SIX5: variants seen among roughly 807,000 people sequenced by gnomAD.
SIX5 encodes the protein homeobox protein SIX5.
In SIX5, 21 loss-of-function variants were observed where a neutral mutation model predicts 37.1. The ratio of observed to expected loss-of-function variants is 0.57; its 90% CI spans 0.40 to 0.81. The LOEUF (loss-of-function observed/expected upper bound fraction) is 0.81, where lower values mean the gene tolerates loss of function less well. Ranked by LOEUF, SIX5 falls within the 40% of genes least tolerant of loss-of-function variation. SIX5 has a pLI of 0.00. For missense variants in SIX5, 1,137 were observed against 1,025.1 expected (o/e 1.11, Z -1.49); for synonymous variants, 626 against 505.9 (o/e 1.24, Z -3.19).
Position 45,766,346 on chromosome 19 carries a change from G to A in SIX5, c.1609+4C>T. ...CTAGGCCTGAGGGAGGGAGATGGGG[G>A]TACCTGGGGCAGTGGCCGAAGGCAG... On this transcript the variant is annotated splice_donor_region_variant and intron_variant, in intron 2 of 2. Coordinates refer to ENST00000317578, the MANE Select transcript of SIX5 (RefSeq NM_175875.5). The A allele has an allele frequency of 6.3e-7, 1 of 1,577,604 alleles. No homozygotes were observed. The highest frequency in any genetic ancestry group is 8.6e-7 in the Non-Finnish European group (1 of 1,162,926).
rs569540038 is a variant in SIX5, at chr19:45,766,593, G to A, written c.1366C>T (p.Leu456Phe). 555 of 1,470,120 alleles carry A rather than the reference G, an allele frequency of 3.8e-4. 2 individuals are homozygous for A. The highest frequency in any genetic ancestry group is 3.0e-3 in the Middle Eastern group (17 of 5,578). 91.1% of individuals were successfully genotyped at this position (1,470,120 alleles called of 1,614,324 possible). A position where few individuals can be genotyped will look rare whatever the true frequency, so the allele number is the denominator to read the frequency against. ...PAVAAPQVVP[L>F]SPPPGYPTGL... ...GTGGGATACCCCGGGGGTGGGGAGA[G>A]CGGTACCACTTGTGGGGCAGCCACA... The change falls in exon 2 of 3, where the codon CTC becomes TTC. Residue 456 changes from leucine to phenylalanine, a missense_variant. Physicochemically the swap from Leu to Phe is conservative, Grantham distance 22. Transcript: ENST00000317578.
At position 45,768,543 on chromosome 19, in the gene SIX5, G is replaced by T; in HGVS notation, c.302C>A (p.Ala101Glu). The change falls in exon 1 of 3, where the codon GCG (alanine) becomes GAG (glutamate). Residue 101 changes from alanine to glutamate, a missense_variant. Ala to Glu is a moderately radical substitution (Grantham distance 107). Transcript: ENST00000317578. ...GCGGCTCAAGCGGCCGGCGTGGCCC[G>T]CCTGGAGCAGCGCCTCGCAGACGCA... The part of the protein sequence containing the change: ...VACVCEALLQ[A>E]GHAGRLSRFL... The T allele has an allele frequency of 2.8e-6, 4 of 1,405,734 alleles. No homozygotes were observed. Among genetic ancestry groups the T allele is most frequent in the Non-Finnish European group, 2.8e-6 (3 of 1,089,894 alleles). 87.1% of individuals were successfully genotyped at this position (1,405,734 alleles called of 1,614,324 possible).
In SIX5 at chr19:45,768,553, G is replaced by GC; in HGVS notation, c.291dup (p.Leu98AlafsTer74). The GC allele has an allele frequency of 7.2e-7, 1 of 1,387,104 alleles. No individual in the cohort carries two copies. 85.9% of individuals were successfully genotyped at this position (1,387,104 alleles called of 1,614,324 possible). On this transcript the variant is annotated frameshift_variant, in exon 1 of 3. Transcript: ENST00000317578. LOFTEE classifies it high-confidence loss of function. ...CGGCCGGCGTGGCCCGCCTGGAGCA[G>GC]CGCCTCGCAGACGCACGCCACCTGC...
Position 45,768,863 on chromosome 19 carries a change from G to C in SIX5, c.-19C>G. The stretch of plus-strand genomic sequence containing the variant: ...TAGCCATGTTTTGCAACTTTGGGAA[G>C]TTCCTCCCTCCCTCTCTTCCTCCCT... On this transcript the variant is annotated 5_prime_UTR_variant, in exon 1 of 3. Transcript: ENST00000317578. 1.3e-6 allele frequency: 2 copies of C among 1,530,056 alleles called. No individual in the cohort carries two copies. Among genetic ancestry groups the C allele is most frequent in the Non-Finnish European group, 1.7e-6 (2 of 1,144,354 alleles). 94.8% of individuals were successfully genotyped at this position (1,530,056 alleles called of 1,614,324 possible).
Position 45,766,370 on chromosome 19 carries a change from A to T in SIX5, c.1589T>A (p.Leu530Gln). 6.3e-7 allele frequency: 1 copy of T among 1,589,870 alleles called. No homozygotes were observed. The highest frequency in any genetic ancestry group is 8.6e-7 in the Non-Finnish European group (1 of 1,169,446). Residue 530 changes from leucine (L) to glutamine (Q), a missense_variant, in exon 2 of 3, where the codon CTG (leucine) becomes CAG (glutamine). Leu to Gln is a moderately radical substitution (Grantham distance 113). Coordinates refer to ENST00000317578, the MANE Select transcript of SIX5 (RefSeq NM_175875.5). ...GGTACCTGGGGCAGTGGCCGAAGGC[A>T]GCTGCAGGGCAGTCACGCCCACCCC... ...NSGVGVTALQLPSATAPGNFL... is the reference protein window; with the variant it reads ...NSGVGVTALQQPSATAPGNFL...
At position 45,765,858 on chromosome 19, in the gene SIX5, C is replaced by G; in HGVS notation, c.1863G>C (p.Gln621His). The G allele has an allele frequency of 6.3e-7, 1 of 1,598,018 alleles. No homozygotes were observed. Among genetic ancestry groups the G allele is most frequent in the South Asian group, 1.1e-5 (1 of 90,746 alleles). Residue 621 changes from glutamine to histidine, a missense_variant, in exon 3 of 3, where the codon CAG becomes CAC. Gln to His is a conservative substitution (Grantham distance 24). Coordinates refer to ENST00000317578, the MANE Select transcript of SIX5 (RefSeq NM_175875.5). ...AHALGTLSAQ[Q>H]PPPAAATTSS... Reference sequence around the variant, plus strand: ...AGGTGGTGGCAGCGGCGGGGGGTGGCTGCTGTGCAGAAAGGGTGCCTAGGG... The same window carrying G: ...AGGTGGTGGCAGCGGCGGGGGGTGGGTGCTGTGCAGAAAGGGTGCCTAGGG...
chr19:45,765,407 T>C lies in SIX5; in HGVS notation c.*94A>G. 6.4e-7 allele frequency: 1 copy of C among 1,571,374 alleles called. No individual in the cohort carries two copies. The highest frequency in any genetic ancestry group is 1.1e-5 in the South Asian group (1 of 89,744). On this transcript the variant is annotated 3_prime_UTR_variant, in exon 3 of 3. Coordinates refer to ENST00000317578, the MANE Select transcript of SIX5 (RefSeq NM_175875.5). ...AGGCAGAAGGATGTGGTGACTGGGG[T>C]CTTCAGCAACCGCATTTCTGGGGCT...
At position 45,769,215 on chromosome 19, in the gene SIX5, CTG is replaced by C. The variant is rs1460971200; in HGVS notation, c.-373_-372del. On this transcript the variant is annotated 5_prime_UTR_variant, in exon 1 of 3. Transcript: ENST00000317578. ...AGGGCGCGAAGCCTCCGCCCCGAGA[CTG>C]AGCTTCTGCACGCCTCCGTCTCCAG... 4.4e-6 allele frequency: 1 copy of C among 224,910 alleles called. No homozygotes were observed. The highest frequency in any genetic ancestry group is 2.3e-5 in the African/African-American group (1 of 43,764). The allele number at this position is 224,910 out of a possible 1,614,324, so 13.9% of individuals were successfully genotyped here. A position where few individuals can be genotyped will look rare whatever the true frequency, so the allele number is the denominator to read the frequency against.
In SIX5 at chr19:45,766,335, G is replaced by C. The variant is rs1022675880; in HGVS notation, c.1609+15C>G. ...CCGGCTCTCACCTAGGCCTGAGGGA[G>C]GGAGATGGGGGTACCTGGGGCAGTG... On this transcript the variant is annotated intron_variant, in intron 2 of 2. Transcript: ENST00000317578. 6.4e-7 allele frequency: 1 copy of C among 1,569,732 alleles called. No homozygotes were observed. The highest frequency in any genetic ancestry group is 1.4e-5 in the African/African-American group (1 of 73,790).
chr19:45,766,729 C>A lies in SIX5; in HGVS notation c.1230G>T (p.Val410=). ...SEAPETKGAQ[V]AAPGPALGEE... is the part of the protein sequence containing the mutation. ...CTCCAAGGGCTGGTCCCGGAGCAGC[C>A]ACCTGGGCCCCTTTGGTCTCAGGGG... is the stretch of plus-strand genomic sequence containing the variant. Residue 410 remains valine (V), a synonymous_variant, in exon 2 of 3, where the codon GTG becomes GTT. Coordinates refer to ENST00000317578, the MANE Select transcript of SIX5 (RefSeq NM_175875.5). 6.4e-7 allele frequency: 1 copy of A among 1,570,914 alleles called. No homozygotes were observed. Among genetic ancestry groups the A allele is most frequent in the Non-Finnish European group, 8.6e-7 (1 of 1,160,428 alleles).
rs747610700 is a variant in SIX5, at chr19:45,766,688, G to A, written c.1271C>T (p.Pro424Leu). The A allele has an allele frequency of 2.0e-6, 3 of 1,515,584 alleles. No homozygotes were observed. Among genetic ancestry groups the A allele is most frequent in the Middle Eastern group, 1.8e-4 (1 of 5,706 alleles). 93.9% of individuals were successfully genotyped at this position (1,515,584 alleles called of 1,614,324 possible). The change falls in exon 2 of 3, where the codon CCC (proline) becomes CTC (leucine). Residue 424 changes from proline (P) to leucine (L), a missense_variant. By Grantham distance (98) the Pro-to-Leu change is moderately conservative. Coordinates refer to ENST00000317578, the MANE Select transcript of SIX5 (RefSeq NM_175875.5). ...GPALGEEVLG[P>L]LAQVVPGPPT... ...GGGGCCAGGCACCACTTGGGCCAGG[G>A]GCCCCAGGACCTCCTCTCCAAGGGC...
At chr19:45,767,416 G>A (rs1007202065) in intron 1 of SIX5, among the ~76,000 whole-genome samples, 2 of 152,212 alleles carry the variant, frequency 1.3e-5, no homozygotes, top group African/African-American at 2.4e-5. Context: ...GAGCTCCCAG[G>A]TTGCCCTAAA....
intron 2 of SIX5, 78 bp from the exon 3 acceptor site, chr19:45,766,189 C>G (rs1267357509): frequency 6.5e-7 from 1 of 1,544,204 alleles, no homozygotes; most frequent in African/African-American, 1.4e-5. Flanking sequence ...GACTGTGCAG[C>G]TGGAGGGCGG....
Position 45,768,697 on chromosome 19 carries a change from C to A in SIX5, c.148G>T (p.Ala50Ser). ...QAAEGEAAAA[A>S]GAGAGAAAAG... is the part of the protein sequence containing the mutation. Reference sequence around the variant, plus strand: ...GCCGCTGCGCCCGCCCCGGCCCCGGCCGCCGCCGCCGCCTCACCCTCGGCC... The same window carrying A: ...GCCGCTGCGCCCGCCCCGGCCCCGGACGCCGCCGCCGCCTCACCCTCGGCC... The change falls in exon 1 of 3, where the codon GCC becomes TCC. Residue 50 changes from alanine to serine, a missense_variant. Physicochemically the swap from Ala to Ser is moderately conservative, Grantham distance 99 (BLOSUM62 1). Coordinates refer to ENST00000317578, the MANE Select transcript of SIX5 (RefSeq NM_175875.5). 2 of 1,338,344 alleles carry A rather than the reference C, an allele frequency of 1.5e-6. No homozygotes were observed. Among genetic ancestry groups the A allele is most frequent in the Non-Finnish European group, 1.9e-6 (2 of 1,051,644 alleles). The allele number at this position is 1,338,344 out of a possible 1,614,324, so 82.9% of individuals were successfully genotyped here.
At chr19:45,767,973 C>T in intron 1 of SIX5, 69 bp downstream of exon 1, 2 of 1,495,906 alleles carry the variant, frequency 1.3e-6, no homozygotes, top group African/African-American at 1.4e-5. Flanking sequence ...GCAGTGGGCA[C>T]GGGGGAAGAG....
Position 45,767,138 on chromosome 19 carries a change from G to A in SIX5, c.821C>T (p.Pro274Leu), listed in dbSNP as rs778032225. 133 of 1,612,202 alleles carry A rather than the reference G, an allele frequency of 8.2e-5. No homozygotes were observed. The highest frequency in any genetic ancestry group is 5.9e-6 in the Non-Finnish European group (7 of 1,179,928). ...TCGGCTGGACTCGTCCTCAGTCGTGGGATTCCCATCAGACTCGCTGGCCGG... is the reference window on the plus strand; with the variant it reads ...TCGGCTGGACTCGTCCTCAGTCGTGAGATTCCCATCAGACTCGCTGGCCGG... Reference protein sequence around the residue: ...APCKSESDGNPTTEDESSRSP... With the variant: ...APCKSESDGNLTTEDESSRSP... Residue 274 changes from proline (P) to leucine (L), a missense_variant, in exon 2 of 3, where the codon CCC becomes CTC. Physicochemically the swap from Pro to Leu is moderately conservative, Grantham distance 98. This residue lies in a region of SIX5 where 787 missense variants were observed against 621.4 expected (regional missense o/e 1.27). Coordinates refer to ENST00000317578, the MANE Select transcript of SIX5 (RefSeq NM_175875.5).
chr19:45,766,655 G>A lies in SIX5; in HGVS notation c.1304C>T (p.Ala435Val). ...CCCCGGGGGCAGAGGAAAGGTGGCAGCCGTCGGGGGGCCAGGCACCACTTG... is the reference window on the plus strand; with the variant it reads ...CCCCGGGGGCAGAGGAAAGGTGGCAACCGTCGGGGGGCCAGGCACCACTTG... Reference protein sequence around the residue: ...LAQVVPGPPTAATFPLPPGPV... With the variant: ...LAQVVPGPPTVATFPLPPGPV... Residue 435 changes from alanine to valine, a missense_variant, in exon 2 of 3, where the codon GCT becomes GTT. Ala to Val is a moderately conservative substitution (Grantham distance 64, BLOSUM62 0). Transcript: ENST00000317578. 6 of 1,483,112 alleles carry A rather than the reference G, an allele frequency of 4.0e-6. No homozygotes were observed. The highest frequency in any genetic ancestry group is 5.4e-6 in the Non-Finnish European group (6 of 1,115,278). 91.9% of individuals were successfully genotyped at this position (1,483,112 alleles called of 1,614,324 possible).
chr19:45,768,959 C>T lies in SIX5; in HGVS notation c.-115G>A, dbSNP rs932663210. 2 of 1,043,130 alleles carry T rather than the reference C, an allele frequency of 1.9e-6. No homozygotes were observed. Among genetic ancestry groups the T allele is most frequent in the Admixed American group, 2.3e-5 (1 of 43,734 alleles). The allele number at this position is 1,043,130 out of a possible 1,614,324, so 64.6% of individuals were successfully genotyped here. The stretch of plus-strand genomic sequence containing the variant: ...CCCACTCCCCGCTCTTCTCGATCTT[C>T]TTTCTGGCCGACCCTGCGCCCCACG... On this transcript the variant is annotated 5_prime_UTR_variant, in exon 1 of 3. Coordinates refer to ENST00000317578, the MANE Select transcript of SIX5 (RefSeq NM_175875.5).
intron 1 of SIX5, among the ~76,000 whole-genome samples, chr19:45,767,466 G>A (rs772215884): frequency 6.6e-6 from 1 of 152,228 alleles, no homozygotes; most frequent in Non-Finnish European, 1.5e-5. Flanking sequence ...GTGGCCTGGA[G>A]AGAGGGAGCA....
Sources: allele counts gnomAD v4.1 joint callset (sites outside exome capture counted in the v4.1 genomes callset), GRCh38; gene constraint gnomAD v4.1.1; regional missense constraint gnomAD v4.1.1; transcripts MANE v1.5; gene names NCBI Gene and HGNC (gene_info 2026-07-23, HGNC 2026-07-21).